Variants in COL5A2 observed in about 807,000 individuals in gnomAD.
COL5A2 encodes collagen type V alpha 2 chain.
In COL5A2, 23 loss-of-function variants were observed where a neutral mutation model predicts 208.2. The observed-to-expected ratio is 0.11, with a 90% CI of 0.08 to 0.16. The LOEUF is 0.16. Among genes scored for constraint, COL5A2 ranks in the 10% least tolerant of loss-of-function variants. The pLI is 1.00. For missense variants in COL5A2, 1,590 were observed against 1,956.4 expected (o/e 0.81, Z 3.53); for synonymous variants, 625 against 628.5 (o/e 0.99, Z 0.08).
the COL5A2 span, among the ~76,000 whole-genome samples, chr2:189,276,190 T>C: frequency 1.8e-4 from 27 of 152,322 alleles, no homozygotes; most frequent in Admixed American, 1.6e-3. Flanking sequence ...CAGTAATCTG[T>C]CTCACACACA....
At chr2:189,416,221 A>G in the COL5A2 span, among the ~76,000 whole-genome samples, 6 of 152,320 alleles carry the variant, frequency 3.9e-5, no homozygotes, top group Admixed American at 2.6e-4. Flanking sequence ...GTATATACCC[A>G]AAGGATTATA....
intron 31 of COL5A2, among the ~76,000 whole-genome samples, chr2:189,059,798 T>A (rs780151570): frequency 1.5e-4 from 22 of 151,624 alleles, no homozygotes; most frequent in Admixed American, 3.3e-4. Flanking sequence ...TTGGCCAGGC[T>A]GGTCTCGAAC....
chr2:189,434,263 C>G, the COL5A2 span, among the ~76,000 whole-genome samples: 1 of 152,148 alleles, frequency 6.6e-6, no homozygotes, highest in Non-Finnish European at 1.5e-5. Flanking sequence ...CCTTTGAAAA[C>G]TAGCACAAGA....
At chr2:189,295,579 C>A in the COL5A2 span, among the ~76,000 whole-genome samples, 1 of 152,170 alleles carries the variant, frequency 6.6e-6, no homozygotes, top group African/African-American at 2.4e-5. Flanking sequence ...CACACCACTG[C>A]ACTCCAGCCT....
chr2:189,113,984 A>T (rs1021117418), intron 1 of COL5A2, among the ~76,000 whole-genome samples: 2 of 152,168 alleles, frequency 1.3e-5, no homozygotes, highest in African/African-American at 4.8e-5. Context: ...AAAGTTTAAG[A>T]CAACATAACT....
the COL5A2 span, among the ~76,000 whole-genome samples, chr2:189,285,783 C>A: frequency 6.6e-6 from 1 of 152,074 alleles, no homozygotes; most frequent in Non-Finnish European, 1.5e-5. Flanking sequence ...CTAAAATGTG[C>A]TTTAGATATT....
the COL5A2 span, among the ~76,000 whole-genome samples, chr2:189,373,852 A>G: frequency 6.6e-6 from 1 of 152,230 alleles, no homozygotes; most frequent in African/African-American, 2.4e-5. Flanking sequence ...CTTCTCTCCT[A>G]TAAGCAAAGA....
chr2:189,313,583 C>T, the COL5A2 span, among the ~76,000 whole-genome samples: 1 of 152,150 alleles, frequency 6.6e-6, no homozygotes, highest in Non-Finnish European at 1.5e-5. Context: ...ATCAAATCCA[C>T]ACATATCAAT....
the COL5A2 span, among the ~76,000 whole-genome samples, chr2:189,409,204 CTT>C: frequency 4.3e-5 from 4 of 92,090 alleles, no homozygotes; most frequent in East Asian, 3.5e-4. Flanking sequence ...TAAATTTACT[CTT>C]TTTTTTTTTT....
chr2:189,162,993 T>G (rs532077831), intron 1 of COL5A2, among the ~76,000 whole-genome samples: 1 of 152,270 alleles, frequency 6.6e-6, no homozygotes, highest in African/African-American at 2.4e-5. Flanking sequence ...TAAACACTTA[T>G]GTATCTCCCA....
In COL5A2 at chr2:189,045,924, T is replaced by A; in HGVS notation, c.3202-17A>T. 1 of 1,598,052 alleles carries A rather than the reference T, an allele frequency of 6.3e-7. No homozygotes were observed. Among genetic ancestry groups the A allele is most frequent in the Non-Finnish European group, 8.6e-7 (1 of 1,165,504 alleles). ...ACGATCACCCTAACAAGAATAACCATGATATTATTTTTTAACATTTATTCT... is the reference window on the plus strand; with the variant it reads ...ACGATCACCCTAACAAGAATAACCAAGATATTATTTTTTAACATTTATTCT... On this transcript the variant is annotated splice_polypyrimidine_tract_variant and intron_variant, in intron 45 of 53. Transcript: ENST00000374866.
At chr2:189,066,318 C>G (rs900348813) in intron 23 of COL5A2, 72 bp downstream of exon 23, 1 of 1,360,920 alleles carries the variant, frequency 7.3e-7, no homozygotes, top group Non-Finnish European at 1.1e-6. Flanking sequence ...TTCTAGTTTT[C>G]CTTACTGTTC....
At chr2:189,137,821 C>A (rs578090075) in intron 1 of COL5A2, among the ~76,000 whole-genome samples, 1 of 152,196 alleles carries the variant, frequency 6.6e-6, no homozygotes, top group African/African-American at 2.4e-5. Context: ...ATTTCTCAGA[C>A]CTGGCAAATT....
the COL5A2 span, among the ~76,000 whole-genome samples, chr2:189,388,568 G>A: frequency 6.6e-6 from 1 of 152,130 alleles, no homozygotes; most frequent in East Asian, 1.9e-4. Flanking sequence ...CAGTAAACAG[G>A]CATTACAGGC....
At chr2:189,099,741 C>A (rs1315963275) in intron 4 of COL5A2, among the ~76,000 whole-genome samples, 1 of 152,170 alleles carries the variant, frequency 6.6e-6, no homozygotes, top group Non-Finnish European at 1.5e-5. Context: ...CTTAGGAATT[C>A]TTATGCAACA....
intron 1 of COL5A2, among the ~76,000 whole-genome samples, chr2:189,173,682 A>G (rs988008036): frequency 1.2e-4 from 19 of 152,214 alleles, no homozygotes; most frequent in Non-Finnish European, 2.6e-4. Flanking sequence ...TGACTTTTAG[A>G]TATAAGAAAA....
At chr2:189,395,987 A>G in the COL5A2 span, among the ~76,000 whole-genome samples, 2 of 150,896 alleles carry the variant, frequency 1.3e-5, no homozygotes, top group African/African-American at 4.9e-5. Context: ...TTTTGTGGGT[A>G]ATTGTCAATA....
At chr2:189,416,271 T>C in the COL5A2 span, among the ~76,000 whole-genome samples, 1 of 152,214 alleles carries the variant, frequency 6.6e-6, no homozygotes, top group Non-Finnish European at 1.5e-5. Context: ...TGTATGTTTA[T>C]TGCGGCACTA....
the COL5A2 span, among the ~76,000 whole-genome samples, chr2:189,433,091 T>C: frequency 6.6e-4 from 100 of 152,134 alleles, no homozygotes; most frequent in Non-Finnish European, 1.1e-3. Flanking sequence ...ACTAGGTAAA[T>C]AACGAAATGA....
Sources: allele counts gnomAD v4.1 joint callset (sites outside exome capture counted in the v4.1 genomes callset), GRCh38; gene constraint gnomAD v4.1.1; transcripts MANE v1.5; gene names NCBI Gene and HGNC (gene_info 2026-07-23, HGNC 2026-07-21).